NCAPG: variants seen among roughly 807,000 people sequenced by gnomAD.
NCAPG encodes the protein condensin complex subunit 3.
NCAPG carries 69 observed loss-of-function variants against 113.1 expected under a neutral mutation model. The ratio of observed to expected loss-of-function variants is 0.61; its 90% CI spans 0.50 to 0.75. The LOEUF (loss-of-function observed/expected upper bound fraction) is 0.75, where lower values mean the gene tolerates loss of function less well. NCAPG is among the 30% of genes least tolerant of loss of function. The pLI is 0.00. For missense variants in NCAPG, 1,058 were observed against 1,177.0 expected (o/e 0.90, Z 1.48); for synonymous variants, 370 against 415.8 (o/e 0.89, Z 1.34).
chr4:17,841,147 A>C (rs1287978215), intron 19 of NCAPG: 1 of 151,998 alleles, frequency 6.6e-6, no homozygotes, highest in African/African-American at 2.4e-5. Flanking sequence ...CTGTTGGCAA[A>C]GTAAATGCTG....
At chr4:17,819,061 T>G (rs914822731) in intron 7 of NCAPG, among the ~76,000 whole-genome samples, 2 of 152,174 alleles carry the variant, frequency 1.3e-5, no homozygotes, top group Non-Finnish European at 2.9e-5. Context: ...GAGTACAGGT[T>G]TCTTTAAAAA....
intron 2 of NCAPG, among the ~76,000 whole-genome samples, 158 bp from the exon 3 acceptor site, chr4:17,812,759 T>C (rs1721050631): frequency 6.6e-6 from 1 of 152,188 alleles, no homozygotes; most frequent in Non-Finnish European, 1.5e-5. Context: ...ATATATATAT[T>C]TGCTATACAT....
intron 13 of NCAPG, among the ~76,000 whole-genome samples, chr4:17,831,358 G>A (rs138316898): frequency 2.9e-4 from 44 of 152,128 alleles, no homozygotes; most frequent in Admixed American, 2.8e-3. Flanking sequence ...TATTGAGTGC[G>A]TATTATGTGC....
intron 13 of NCAPG, among the ~76,000 whole-genome samples, chr4:17,833,187 T>G (rs1303933017): frequency 6.6e-6 from 1 of 152,032 alleles, no homozygotes; most frequent in African/African-American, 2.4e-5. Context: ...TTGACCAATG[T>G]GGTGAAACCC....
At chr4:17,812,065 T>G (rs1445089154) in intron 1 of NCAPG, among the ~76,000 whole-genome samples, 156 bp from the exon 2 acceptor site, 1 of 152,238 alleles carries the variant, frequency 6.6e-6, no homozygotes, top group Non-Finnish European at 1.5e-5. Flanking sequence ...GCAAATTGAT[T>G]GCCCTTTGGC....
chr4:17,837,444 C>T (rs746989355), intron 15 of NCAPG, 104 bp downstream of exon 15: 4 of 1,265,336 alleles, frequency 3.2e-6, no homozygotes, highest in Non-Finnish European at 4.4e-6. Flanking sequence ...CTTTTTCTGT[C>T]TTTAGTAGAT....
In NCAPG at chr4:17,812,378, A is replaced by G; in HGVS notation, c.269A>G (p.Glu90Gly). ...HQSDMEDDEE[E>G]EDGGLLNYLF... ...TCAGATATGGAAGATGATGAGGAAG[A>G]GGAAGATGGTGGCCTTTTAAATTAT... The change falls in exon 2 of 21, where the codon GAG (glutamate) becomes GGG (glycine). Residue 90 changes from glutamate to glycine, a missense_variant. Transcript: ENST00000251496. 1 of 1,613,824 alleles carries G rather than the reference A, an allele frequency of 6.2e-7. No homozygotes were observed. Among genetic ancestry groups the G allele is most frequent in the Non-Finnish European group, 8.5e-7 (1 of 1,179,850 alleles).
intron 13 of NCAPG, among the ~76,000 whole-genome samples, 166 bp from the exon 14 acceptor site, chr4:17,834,133 A>T (rs1721986469): frequency 6.6e-6 from 1 of 152,196 alleles, no homozygotes. Context: ...ACATTTTTTT[A>T]AATTGAAATT....
chr4:17,815,035 A>G, intron 4 of NCAPG, 37 bp downstream of exon 4: 1 of 1,609,154 alleles, frequency 6.2e-7, no homozygotes, highest in Non-Finnish European at 8.5e-7. Flanking sequence ...GCATATTCTT[A>G]AAGGACAAGG....
chr4:17,837,424 GT>G, intron 15 of NCAPG, 84 bp downstream of exon 15: 1 of 1,331,344 alleles, frequency 7.5e-7, no homozygotes. Context: ...ATGATATTTT[GT>G]TGTTGATACT....
At chr4:17,835,940 T>C (rs1722076798) in intron 14 of NCAPG, among the ~76,000 whole-genome samples, 1 of 152,210 alleles carries the variant, frequency 6.6e-6, no homozygotes, top group African/African-American at 2.4e-5. Context: ...ACATGGCATG[T>C]ATATGTATTT....
intron 4 of NCAPG, 72 bp from the exon 5 acceptor site, chr4:17,815,202 A>G: frequency 7.3e-7 from 1 of 1,375,134 alleles, no homozygotes; most frequent in Non-Finnish European, 1.0e-6. Flanking sequence ...TAATTTTCTA[A>G]GATGGTGATA....
At chr4:17,819,622 A>G (rs949782273) in intron 7 of NCAPG, among the ~76,000 whole-genome samples, 2 of 152,124 alleles carry the variant, frequency 1.3e-5, no homozygotes, top group Non-Finnish European at 2.9e-5. Flanking sequence ...GGATGGTCTC[A>G]ATCTCTTGAC....
chr4:17,815,084 T>C, intron 4 of NCAPG, 86 bp downstream of exon 4: 3 of 1,536,712 alleles, frequency 2.0e-6, no homozygotes, highest in South Asian at 2.4e-5. Context: ...ATACTTGGCA[T>C]GTAATAATTT....
rs945295313 is a variant in NCAPG at position 17,825,703 on chromosome 4, T to C, written c.1653+142T>C. ...GTGACATGAATTAAAATGAAAAAAG[T>C]TTTTCCCTGTTTCTATTTTTGGACT... On this transcript the variant is annotated intron_variant, in intron 11 of 20. Coordinates refer to ENST00000251496, the MANE Select transcript of NCAPG (RefSeq NM_022346.5). The C allele has an allele frequency of 2.1e-5, 14 of 662,434 alleles. No homozygotes were observed. In the African/African-American group the frequency reaches 2.7e-4, roughly 13 times the overall value. The allele number at this position is 662,434 out of a possible 1,614,324, so 41.0% of individuals were successfully genotyped here. A position where few individuals can be genotyped will look rare whatever the true frequency, so the allele number is the denominator to read the frequency against.
intron 9 of NCAPG, among the ~76,000 whole-genome samples, chr4:17,824,253 A>G (rs1721568723): frequency 1.3e-5 from 2 of 152,166 alleles, no homozygotes; most frequent in African/African-American, 4.8e-5. Flanking sequence ...ATTGCTTGAT[A>G]AATACAGAAA....
Position 17,812,922 on chromosome 4 carries a change from T to C in NCAPG, c.321T>C (p.His107=), listed in dbSNP as rs1232513934. ...TTGATTTGTTTCTGTTTTAGTCTCA[T>C]GAAGCAAACAGCAATGCAGTGAGAT... is the stretch of plus-strand genomic sequence containing the variant. ...NYLFTFLLKS[H]EANSNAVRFR... The change falls in exon 3 of 21, where the codon CAT becomes CAC. Residue 107 remains histidine (H), a synonymous_variant. Coordinates refer to ENST00000251496, the MANE Select transcript of NCAPG (RefSeq NM_022346.5). 3 of 1,613,544 alleles carry C rather than the reference T, an allele frequency of 1.9e-6. No individual in the cohort carries two copies. Among genetic ancestry groups the C allele is most frequent in the East Asian group, 2.2e-5 (1 of 44,868 alleles).
chr4:17,817,502 A>G (rs367618889), intron 6 of NCAPG, 49 bp downstream of exon 6: 6 of 1,493,062 alleles, frequency 4.0e-6, no homozygotes, highest in Non-Finnish European at 5.5e-6. Flanking sequence ...TAACTTGTGC[A>G]ATTAATTTGT....
intron 5 of NCAPG, among the ~76,000 whole-genome samples, chr4:17,816,918 A>C (rs980322618): frequency 2.6e-5 from 4 of 152,076 alleles, no homozygotes; most frequent in African/African-American, 9.7e-5. Context: ...GCGGATCACG[A>C]GGTCAAGAGA....
Sources: gnomAD v4.1 joint callset for allele counts (sites outside exome capture counted in the v4.1 genomes callset) on GRCh38, gnomAD v4.1.1 for gene constraint, MANE v1.5 for transcripts, NCBI Gene and HGNC (gene_info 2026-07-23, HGNC 2026-07-21) for gene names.